The following PDGFD variants were observed in gnomAD, a reference collection of about 807,000 sequenced individuals.
PDGFD encodes platelet derived growth factor D.
PDGFD carries 30 observed loss-of-function variants against 44.7 expected under a neutral mutation model. That is an observed-to-expected ratio of 0.67 (90% CI 0.50 to 0.91). The LOEUF is 0.91. Ranked by LOEUF, PDGFD falls within the 40% of genes least tolerant of loss-of-function variation. The pLI is 0.00. For missense variants in PDGFD, 445 were observed against 457.8 expected (o/e 0.97, Z 0.25); for synonymous variants, 173 against 168.4 (o/e 1.03, Z -0.21).
intron 6 of PDGFD, among the ~76,000 whole-genome samples, chr11:103,919,743 A>C (rs1858182978): frequency 6.6e-6 from 1 of 152,002 alleles, no homozygotes; most frequent in African/African-American, 2.4e-5. Context: ...TCCTGACCTC[A>C]GGTGATCTGC....
intron 1 of PDGFD, among the ~76,000 whole-genome samples, chr11:104,036,277 T>A (rs192992818): frequency 6.6e-6 from 1 of 150,428 alleles, no homozygotes; most frequent in Non-Finnish European, 1.5e-5. Context: ...CCAAATCTAT[T>A]AAAAAAAAAT....
intron 3 of PDGFD, among the ~76,000 whole-genome samples, chr11:103,953,641 ATTT>A (rs905213048): frequency 5.3e-5 from 8 of 152,326 alleles, no homozygotes; most frequent in Admixed American, 1.3e-4. Context: ...ATCACAAATC[ATTT>A]ATCTGTACTT....
chr11:104,089,389 A>C (rs552129187), intron 1 of PDGFD, among the ~76,000 whole-genome samples: 1 of 152,178 alleles, frequency 6.6e-6, no homozygotes, highest in African/African-American at 2.4e-5. Flanking sequence ...TAAAAATAAC[A>C]GTGCTAAGAG....
chr11:103,979,258 A>G (rs530189349), intron 3 of PDGFD, among the ~76,000 whole-genome samples: 2 of 152,068 alleles, frequency 1.3e-5, no homozygotes, highest in African/African-American at 2.4e-5. Context: ...TGGGAAGGAT[A>G]AGGCTTTAAA....
At chr11:104,157,367 G>A (rs1355342946) in intron 1 of PDGFD, among the ~76,000 whole-genome samples, 1 of 152,116 alleles carries the variant, frequency 6.6e-6, no homozygotes, top group East Asian at 1.9e-4. Context: ...GACTATTCAG[G>A]AACACTCCAC....
intron 1 of PDGFD, among the ~76,000 whole-genome samples, chr11:104,100,937 C>T (rs1025835756): frequency 8.6e-5 from 13 of 152,016 alleles, no homozygotes; most frequent in South Asian, 4.2e-4. Context: ...AATTAGGTAT[C>T]GATGGGATGT....
intron 1 of PDGFD, among the ~76,000 whole-genome samples, chr11:104,069,624 T>G (rs951842871): frequency 6.6e-6 from 1 of 151,396 alleles, no homozygotes; most frequent in African/African-American, 2.4e-5. Flanking sequence ...ACTTTGGGAG[T>G]TCGAGGCCAG....
intron 1 of PDGFD, among the ~76,000 whole-genome samples, chr11:104,051,062 A>G (rs572672697): frequency 6.6e-6 from 1 of 152,092 alleles, no homozygotes; most frequent in South Asian, 2.1e-4. Context: ...TATAGATTAT[A>G]GCCAAGAAAA....
At chr11:103,935,204 G>C (rs551014666) in intron 5 of PDGFD, among the ~76,000 whole-genome samples, 2 of 152,254 alleles carry the variant, frequency 1.3e-5, no homozygotes, top group South Asian at 4.1e-4. Flanking sequence ...TTGATAATGA[G>C]GGTGGGGTTA....
intron 1 of PDGFD, among the ~76,000 whole-genome samples, chr11:104,155,948 C>T (rs1862300993): frequency 6.6e-6 from 1 of 152,146 alleles, no homozygotes; most frequent in South Asian, 2.1e-4. Flanking sequence ...AGGCATGCTA[C>T]ATTTCAAATC....
intron 5 of PDGFD, among the ~76,000 whole-genome samples, chr11:103,929,066 C>T (rs1858360894): frequency 6.6e-6 from 1 of 152,122 alleles, no homozygotes; most frequent in Non-Finnish European, 1.5e-5. Context: ...AGGGACAGGA[C>T]GCAAGCGGCA....
chr11:104,046,867 T>C (rs761231122), intron 1 of PDGFD, among the ~76,000 whole-genome samples: 7 of 146,454 alleles, frequency 4.8e-5, no homozygotes, highest in Non-Finnish European at 1.1e-4. Flanking sequence ...CATTAGGTAT[T>C]TATCCTAATG....
At chr11:104,147,845 T>C (rs1000633572) in intron 1 of PDGFD, among the ~76,000 whole-genome samples, 1 of 152,156 alleles carries the variant, frequency 6.6e-6, no homozygotes, top group Non-Finnish European at 1.5e-5. Context: ...CCTCCAAACA[T>C]ATGGCGGGGT....
chr11:103,959,190 T>A (rs542677276), intron 3 of PDGFD, among the ~76,000 whole-genome samples: 136 of 152,314 alleles, frequency 8.9e-4, no homozygotes, highest in African/African-American at 2.8e-3. Context: ...ACCTTTTCCC[T>A]CTACACATTC....
rs115318235 is a variant in PDGFD, at chr11:104,025,857, C to A, written c.125-25602G>T. Among the ~76,000 whole-genome samples, 419 of 152,280 alleles carry A rather than the reference C, an allele frequency of 2.8e-3. 2 individuals carry two copies. The highest frequency in any genetic ancestry group is 9.6e-3 in the African/African-American group (400 of 41,546). ...GTCTAAAGAACTGATGAGCTTCCAG[C>A]CTCTAGGAAGCAAAGGTAGCATCTT... On this transcript the variant is annotated intron_variant, in intron 1 of 6. Coordinates refer to ENST00000393158, the MANE Select transcript of PDGFD (RefSeq NM_025208.5).
intron 4 of PDGFD, 133 bp from the exon 5 acceptor site, chr11:103,943,783 AAAC>A: frequency 1.5e-6 from 1 of 671,220 alleles, no homozygotes; most frequent in South Asian, 2.1e-5. Flanking sequence ...TGCTATGTAA[AAAC>A]AACATGGTAT....
chr11:104,152,292 G>A (rs1862258575), intron 1 of PDGFD, among the ~76,000 whole-genome samples: 1 of 152,080 alleles, frequency 6.6e-6, no homozygotes, highest in African/African-American at 2.4e-5. Flanking sequence ...ATTAACAAAT[G>A]TTTACAAATC....
chr11:103,951,352 G>T (rs564628317), intron 3 of PDGFD, among the ~76,000 whole-genome samples: 3 of 152,058 alleles, frequency 2.0e-5, no homozygotes, highest in Non-Finnish European at 4.4e-5. Context: ...CATCTCTTCC[G>T]CCATAACCTC....
intron 1 of PDGFD, among the ~76,000 whole-genome samples, chr11:104,017,247 T>C (rs1455177449): frequency 6.6e-6 from 1 of 152,204 alleles, no homozygotes; most frequent in Non-Finnish European, 1.5e-5. Flanking sequence ...TAAATTTCTG[T>C]TGCTTAAGCC....
Sources: allele counts gnomAD v4.1 joint callset (sites outside exome capture counted in the v4.1 genomes callset), GRCh38; gene constraint gnomAD v4.1.1; transcripts MANE v1.5; gene names NCBI Gene and HGNC (gene_info 2026-07-23, HGNC 2026-07-21).